SNAPC3: variants seen among roughly 807,000 people sequenced by gnomAD.
The protein encoded by SNAPC3 is snRNA-activating protein complex subunit 3.
SNAPC3 carries 56 observed loss-of-function variants against 47.7 expected under a neutral mutation model. That is an observed-to-expected ratio of 1.18 (90% confidence interval 0.95 to 1.47). The LOEUF is 1.47. SNAPC3 is among the 40% of genes most tolerant of loss of function. The pLI is 0.00. For missense variants in SNAPC3, 665 were observed against 511.3 expected, an observed-to-expected ratio of 1.30 and a Z score of -2.90; for synonymous variants, 235 against 189.9, an observed-to-expected ratio of 1.24 and a Z score of -1.95.
chr9:15,446,347 C>T (rs963764081), intron 4 of SNAPC3, among the ~76,000 whole-genome samples: 1 of 152,192 alleles, frequency 6.6e-6, no homozygotes, highest in Non-Finnish European at 1.5e-5. Flanking sequence ...GCTAGGACTA[C>T]AAGCATGTAT....
chr9:15,445,140 T>G (rs1197969770), intron 4 of SNAPC3, among the ~76,000 whole-genome samples: 1 of 152,184 alleles, frequency 6.6e-6, no homozygotes, highest in African/African-American at 2.4e-5. Flanking sequence ...TTTTTAGAGT[T>G]GACAATCTAT....
chr9:15,448,156 C>G (rs2034089226), intron 5 of SNAPC3, among the ~76,000 whole-genome samples: 1 of 152,206 alleles, frequency 6.6e-6, no homozygotes, highest in Non-Finnish European at 1.5e-5. Context: ...AGTGTTTGGA[C>G]AAGAACCAAC....
rs765666085 is a variant in SNAPC3 at position 15,433,571 on chromosome 9, G to A, written c.412G>A (p.Glu138Lys). The A allele has an allele frequency of 1.9e-6, 3 of 1,604,820 alleles. No individual in the cohort carries two copies. Among genetic ancestry groups the A allele is most frequent in the Non-Finnish European group, 2.6e-6 (3 of 1,175,082 alleles). The stretch of plus-strand genomic sequence containing the variant: ...CAACAGGGTTAGAAAAAGGTTCTTG[G>A]AACATCGGGAAGAAACCATTACAAT... ...VTLGVRKRFLEHREETITIDR... is the reference protein window; with the variant it reads ...VTLGVRKRFLKHREETITIDR... Residue 138 changes from glutamate (E) to lysine (K), a missense_variant, in exon 3 of 9, where the codon GAA becomes AAA. Physicochemically the swap from Glu to Lys is moderately conservative, Grantham distance 56. Transcript: ENST00000380821.
At chr9:15,440,505 G>A (rs1256382338) in intron 3 of SNAPC3, among the ~76,000 whole-genome samples, 1 of 151,902 alleles carries the variant, frequency 6.6e-6, no homozygotes, top group East Asian at 1.9e-4. Context: ...GTTTAAATAT[G>A]TCACCCAAAA....
intron 2 of SNAPC3, among the ~76,000 whole-genome samples, chr9:15,430,756 A>T (rs764073080): frequency 6.6e-6 from 1 of 152,196 alleles, no homozygotes; most frequent in Non-Finnish European, 1.5e-5. Context: ...TGAATACGCT[A>T]TGGGAAATCC....
chr9:15,464,619 G>A (rs1057237376), downstream of SNAPC3: 1 of 197,396 alleles, frequency 5.1e-6, no homozygotes. Flanking sequence ...CATATTTATT[G>A]TATAAGCATC....
At chr9:15,445,172 A>C (rs568934951) in intron 4 of SNAPC3, among the ~76,000 whole-genome samples, 2 of 152,330 alleles carry the variant, frequency 1.3e-5, no homozygotes, top group South Asian at 4.1e-4. Flanking sequence ...ATCTGTTCTA[A>C]TAAGGAATAT....
rs894173685 is a variant in SNAPC3 at position 15,437,626 on chromosome 9, T to G, written c.477+3990T>G. On this transcript the variant is annotated intron_variant, in intron 3 of 8. Coordinates refer to ENST00000380821, the MANE Select transcript of SNAPC3 (RefSeq NM_001039697.2). Reference sequence around the variant, plus strand: ...CAGTCGAGGTAATGATCTGTTGTTTTTTTTTTTTTTTTGCCCCATCATTCC... The same window carrying G: ...CAGTCGAGGTAATGATCTGTTGTTTGTTTTTTTTTTTTGCCCCATCATTCC... 7.7e-4 allele frequency among the ~76,000 whole-genome samples: 117 copies of G among 151,322 alleles called. 1 individual carries two copies. Among genetic ancestry groups the G allele is most frequent in the Non-Finnish European group, 2.4e-4 (16 of 67,874 alleles).
At chr9:15,436,199 G>C (rs1297462916) in intron 3 of SNAPC3, among the ~76,000 whole-genome samples, 1 of 152,118 alleles carries the variant, frequency 6.6e-6, no homozygotes, top group East Asian at 1.9e-4. Context: ...ATTTGATGAA[G>C]TCTAGTTTAT....
intron 3 of SNAPC3, among the ~76,000 whole-genome samples, chr9:15,434,154 A>G (rs1185844658): frequency 6.6e-6 from 1 of 152,202 alleles, no homozygotes; most frequent in Non-Finnish European, 1.5e-5. Context: ...TTTACATAAC[A>G]TAAAATTTAC....
chr9:15,435,206 A>G (rs2032642097), intron 3 of SNAPC3, among the ~76,000 whole-genome samples: 1 of 152,064 alleles, frequency 6.6e-6, no homozygotes, highest in South Asian at 2.1e-4. Flanking sequence ...GGCCATCTGT[A>G]TATTTTCTTT....
rs531464249 is a variant in SNAPC3, at chr9:15,459,868, A to G, written c.*2A>G. On this transcript the variant is annotated 3_prime_UTR_variant, in exon 9 of 9. Coordinates refer to ENST00000380821, the MANE Select transcript of SNAPC3 (RefSeq NM_001039697.2). ...GTTGATCCTGGAACCTTTAATTAAG[A>G]ATAGCTACACTCACAAAAATACCCC... 3.7e-6 allele frequency: 6 copies of G among 1,607,362 alleles called. No homozygotes were observed. In the African/African-American group the frequency reaches 8.4e-5, roughly 23 times the overall value.
intron 6 of SNAPC3, among the ~76,000 whole-genome samples, chr9:15,452,191 G>A (rs906462585): frequency 6.6e-6 from 1 of 152,022 alleles, no homozygotes; most frequent in African/African-American, 2.4e-5. Context: ...TTGAACTCCT[G>A]GCCTCAAGTA....
chr9:15,457,269 G>T (rs1270694090), intron 7 of SNAPC3, among the ~76,000 whole-genome samples: 1 of 152,098 alleles, frequency 6.6e-6, no homozygotes, highest in African/African-American at 2.4e-5. Context: ...ATATCACTGA[G>T]TAGCTTTGCC....
rs776751055 is a variant in SNAPC3 at position 15,459,707 on chromosome 9, T to G, written c.1089-12T>G. Reference sequence around the variant, plus strand: ...GATTGTAATGATGTACTTCTTTTTTTAAAAACTACAGATGGGTGACGAACA... The same window carrying G: ...GATTGTAATGATGTACTTCTTTTTTGAAAAACTACAGATGGGTGACGAACA... On this transcript the variant is annotated splice_polypyrimidine_tract_variant and intron_variant, in intron 8 of 8. Transcript: ENST00000380821. 6.2e-7 allele frequency: 1 copy of G among 1,609,908 alleles called. No individual in the cohort carries two copies. The highest frequency in any genetic ancestry group is 2.2e-5 in the East Asian group (1 of 44,812).
At position 15,459,975 on chromosome 9, in the gene SNAPC3, C is replaced by G; in HGVS notation, c.*109C>G. 1.2e-6 allele frequency: 1 copy of G among 866,668 alleles called. No individual in the cohort carries two copies. The highest frequency in any genetic ancestry group is 1.7e-6 in the Non-Finnish European group (1 of 593,786). 53.7% of individuals were successfully genotyped at this position (866,668 alleles called of 1,614,324 possible). A position where few individuals can be genotyped will look rare whatever the true frequency, so the allele number is the denominator to read the frequency against. On this transcript the variant is annotated 3_prime_UTR_variant, in exon 9 of 9. Transcript: ENST00000380821. Reference sequence around the variant, plus strand: ...GGAACAGGATCCACTTTGAACAGTCCGCTAAAGCTATCAAAAAAAAGTCCA... The same window carrying G: ...GGAACAGGATCCACTTTGAACAGTCGGCTAAAGCTATCAAAAAAAAGTCCA...
chr9:15,459,153 A>G (rs1755559982), intron 8 of SNAPC3, among the ~76,000 whole-genome samples: 1 of 152,234 alleles, frequency 6.6e-6, no homozygotes, highest in African/African-American at 2.4e-5. Context: ...GCAGAATTCA[A>G]ACATACCATA....
intron 2 of SNAPC3, among the ~76,000 whole-genome samples, chr9:15,431,322 TC>T (rs1389263374): frequency 6.6e-6 from 1 of 152,192 alleles, no homozygotes; most frequent in African/African-American, 2.4e-5. Flanking sequence ...AAAAAGGACT[TC>T]CCTGCGCTCT....
In SNAPC3 at chr9:15,457,975, T is replaced by C. The variant is rs1386504602; in HGVS notation, c.996T>C (p.Asp332=). 1 of 1,582,824 alleles carries C rather than the reference T, an allele frequency of 6.3e-7. No homozygotes were observed. ...VITDIRLVHH[D]DCLDRTLYPL... ...CGAACAAAAGGCTTGTGCATCATGA[T>C]GACTGCTTGGATAGGACATTGTATC... is the stretch of plus-strand genomic sequence containing the variant. The change falls in exon 8 of 9, where the codon GAT becomes GAC. Residue 332 remains aspartate, a synonymous_variant. Coordinates refer to ENST00000380821, the MANE Select transcript of SNAPC3 (RefSeq NM_001039697.2).
Sources: allele counts gnomAD v4.1 joint callset (sites outside exome capture counted in the v4.1 genomes callset), GRCh38; gene constraint gnomAD v4.1.1; transcripts MANE v1.5; gene names NCBI Gene and HGNC (gene_info 2026-07-23, HGNC 2026-07-21).